HERC2: variants seen among roughly 807,000 people sequenced by gnomAD.
HERC2 encodes the protein E3 ubiquitin-protein ligase HERC2.
A neutral mutation model predicts 537.7 loss-of-function variants in HERC2; 102 were observed. The observed-to-expected ratio is 0.19, with a 90% CI of 0.16 to 0.22. The LOEUF is 0.22. HERC2 is among the 10% of genes least tolerant of loss of function. HERC2 has a pLI of 1.00. For missense variants in HERC2, 4,236 were observed against 6,198.2 expected (o/e 0.68, Z 10.63); for synonymous variants, 2,224 against 2,466.2 (o/e 0.90, Z 2.91).
rs531069148 is a variant in HERC2, at chr15:28,214,017, C to T, written c.6556-45G>A. On this transcript the variant is annotated intron_variant, in intron 41 of 92. Coordinates refer to ENST00000261609, the MANE Select transcript of HERC2 (RefSeq NM_004667.6). ...GAGCTCGACAGAGACACTCACGGAG[C>T]TGCCCAATCCCTACAGGTTCACCGT... 7.5e-6 allele frequency: 12 copies of T among 1,609,482 alleles called. No individual in the cohort carries two copies. In the South Asian group the frequency reaches 1.2e-4, roughly 16 times the overall value.
intron 52 of HERC2, among the ~76,000 whole-genome samples, chr15:28,194,838 C>G (rs1952572963): frequency 6.6e-6 from 1 of 151,928 alleles, no homozygotes; most frequent in Admixed American, 6.6e-5. Flanking sequence ...GGTGGATCAC[C>G]TGAGGTCAGG....
rs1596140816 is a variant in HERC2, at chr15:28,179,241, T to TA, written c.8938-19dup. On this transcript the variant is annotated intron_variant, in intron 57 of 92. Coordinates refer to ENST00000261609, the MANE Select transcript of HERC2 (RefSeq NM_004667.6). The stretch of plus-strand genomic sequence containing the variant: ...ACCTTTATCTACAACAGAATTTTTT[T>TA]AACAAAAAAAAAAGAAAAGAAAATT... 1 of 1,550,270 alleles carries TA rather than the reference T, an allele frequency of 6.5e-7. No homozygotes were observed. The highest frequency in any genetic ancestry group is 8.7e-7 in the Non-Finnish European group (1 of 1,147,464).
rs1900178129 is a variant in HERC2, at chr15:28,218,574, A to G, written c.5943T>C (p.His1981=). 1 of 1,597,988 alleles carries G rather than the reference A, an allele frequency of 6.3e-7. No homozygotes were observed. Among genetic ancestry groups the G allele is most frequent in the African/African-American group, 1.3e-5 (1 of 74,826 alleles). Residue 1981 remains histidine, a synonymous_variant, in exon 38 of 93, where the codon CAT becomes CAC. Coordinates refer to ENST00000261609, the MANE Select transcript of HERC2 (RefSeq NM_004667.6). The part of the protein sequence containing the change: ...LQTLCLSAGV[H]AEIMQSEATK... Reference sequence around the variant, plus strand: ...TGGCTTCGCTCTGCATGATCTCAGCATGAACTCCAGCAGACAGACAAAGAG... The same window carrying G: ...TGGCTTCGCTCTGCATGATCTCAGCGTGAACTCCAGCAGACAGACAAAGAG...
At position 28,240,759 on chromosome 15, in the gene HERC2, G is replaced by A. The variant is rs116331597; in HGVS notation, c.3578-1987C>T. Among the ~76,000 whole-genome samples, 543 of 152,282 alleles carry A rather than the reference G, an allele frequency of 3.6e-3. 6 individuals carry two copies. The highest frequency in any genetic ancestry group is 0.012 in the African/African-American group (517 of 41,568). On this transcript the variant is annotated intron_variant, in intron 23 of 92. Transcript: ENST00000261609. ...CAATCCATCACGTATTTGGTCATACGATTTTTGACATGGGAGCCAAGACCA... is the reference window on the plus strand; with the variant it reads ...CAATCCATCACGTATTTGGTCATACAATTTTTGACATGGGAGCCAAGACCA...
intron 10 of HERC2, 73 bp from the exon 11 acceptor site, chr15:28,269,509 T>C: frequency 8.5e-7 from 1 of 1,174,932 alleles, no homozygotes. Context: ...AACACTGAGC[T>C]ACTACAAAAT....
chr15:28,239,116 T>A lies in HERC2; in HGVS notation c.3578-344A>T, dbSNP rs193112759. Among the ~76,000 whole-genome samples the A allele has an allele frequency of 2.6e-5, 4 of 152,258 alleles. No homozygotes were observed. The East Asian group carries it at 7.7e-4, about 29-fold the overall frequency. ...AAATTCATTCAAAATAAATAAAAAATTCATCCACATATTTGAAAATTATAA... is the reference window on the plus strand; with the variant it reads ...AAATTCATTCAAAATAAATAAAAAAATCATCCACATATTTGAAAATTATAA... On this transcript the variant is annotated intron_variant, in intron 23 of 92. Coordinates refer to ENST00000261609, the MANE Select transcript of HERC2 (RefSeq NM_004667.6).
intron 69 of HERC2, among the ~76,000 whole-genome samples, chr15:28,160,473 G>A (rs1372241947): frequency 1.3e-5 from 2 of 152,182 alleles, no homozygotes; most frequent in Non-Finnish European, 1.5e-5. Context: ...CTTGTAGTTC[G>A]ATCTCAGGCT....
At position 28,272,311 on chromosome 15, in the gene HERC2, G is replaced by A. The variant is rs773073050; in HGVS notation, c.987C>T (p.Ser329=). ...AAAGTGGGGCGCTGGTGCCCTGGGCGGAACGCTCATTGTCAGTCTCCTGTG... is the reference window on the plus strand; with the variant it reads ...AAAGTGGGGCGCTGGTGCCCTGGGCAGAACGCTCATTGTCAGTCTCCTGTG... ...SGAQETDNER[S]AQGTSAPLLP... The change falls in exon 9 of 93, where the codon TCC becomes TCT. Residue 329 remains serine (S), a synonymous_variant. Transcript: ENST00000261609. The A allele has an allele frequency of 2.9e-5, 47 of 1,611,584 alleles. No homozygotes were observed. Among genetic ancestry groups the A allele is most frequent in the African/African-American group, 4.0e-5 (3 of 74,886 alleles).
chr15:28,119,658 T>C (rs139574599), intron 86 of HERC2, among the ~76,000 whole-genome samples: 209 of 152,058 alleles, frequency 1.4e-3, no homozygotes, highest in Non-Finnish European at 2.2e-3. Flanking sequence ...TTTATCACGT[T>C]GCCCAGGATG....
At chr15:28,322,024 C>T (rs1324833660) in intron 1 of HERC2, 51 bp downstream of exon 1, 1 of 89,540 alleles carries the variant, frequency 1.1e-5, no homozygotes, top group Non-Finnish European at 2.0e-5. Context: ...CCGCCAGCCC[C>T]GCGCCCGTAC....
chr15:28,263,491 G>C (rs2075468488), intron 14 of HERC2, among the ~76,000 whole-genome samples: 1 of 152,090 alleles, frequency 6.6e-6, no homozygotes, highest in African/African-American at 2.4e-5. Flanking sequence ...ACAGTAACTG[G>C]GGCCTGGCAC....
In HERC2 at chr15:28,169,468, T is replaced by C; in HGVS notation, c.10229+16A>G. On this transcript the variant is annotated intron_variant, in intron 66 of 92. Coordinates refer to ENST00000261609, the MANE Select transcript of HERC2 (RefSeq NM_004667.6). ...CACATAATTGCAGAATTTCAAAAAT[T>C]AGCACAGAAGCCTACCTGGCATACA... 6.5e-7 allele frequency: 1 copy of C among 1,536,888 alleles called. No homozygotes were observed. The highest frequency in any genetic ancestry group is 2.3e-4 in the Middle Eastern group (1 of 4,366).
intron 35 of HERC2, among the ~76,000 whole-genome samples, chr15:28,223,311 T>G (rs1005974445): frequency 6.6e-6 from 1 of 152,156 alleles, no homozygotes; most frequent in Non-Finnish European, 1.5e-5. Context: ...ACTCCCTTGA[T>G]TTTAGTTTTC....
At chr15:28,290,618 A>G (rs185881412) in intron 4 of HERC2, among the ~76,000 whole-genome samples, 1 of 152,360 alleles carries the variant, frequency 6.6e-6, no homozygotes, top group Admixed American at 6.5e-5. Context: ...ATCACAGAAT[A>G]TGTTCTCTGA....
At chr15:28,123,303 G>A (rs946958906) in intron 85 of HERC2, among the ~76,000 whole-genome samples, 10 of 152,208 alleles carry the variant, frequency 6.6e-5, no homozygotes, top group Middle Eastern at 3.4e-3. Flanking sequence ...CATAATATTC[G>A]ACAACAAAAT....
intron 2 of HERC2, among the ~76,000 whole-genome samples, chr15:28,317,755 G>C (rs1444314243): frequency 6.6e-6 from 1 of 152,178 alleles, no homozygotes; most frequent in African/African-American, 2.4e-5. Flanking sequence ...GAATGGCACA[G>C]AACTACGCAC....
At chr15:28,160,772 T>C (rs1218520296) in intron 69 of HERC2, among the ~76,000 whole-genome samples, 6 of 152,216 alleles carry the variant, frequency 3.9e-5, no homozygotes, top group Non-Finnish European at 7.3e-5. Flanking sequence ...CCCAGTGAGA[T>C]GAACCTGGTA....
intron 37 of HERC2, among the ~76,000 whole-genome samples, chr15:28,219,448 G>A (rs939812737): frequency 2.0e-5 from 3 of 152,232 alleles, no homozygotes; most frequent in African/African-American, 7.2e-5. Context: ...GCATGCTATA[G>A]GCTGGATGCT....
Position 28,113,219 on chromosome 15 carries a change from T to A in HERC2, c.14084A>T (p.Glu4695Val). ...CCACTGGATCAGCGATGCGGAAGGC[T>A]CGATGCCTTTATAGGTGGCCACCGA... ...LKSVATYKGIEPSASLIQWFW... is the reference protein window; with the variant it reads ...LKSVATYKGIVPSASLIQWFW... Residue 4695 changes from glutamate (E) to valine (V), a missense_variant, in exon 92 of 93, where the codon GAG (glutamate) becomes GTG (valine). This residue lies in a region of HERC2 where 313 missense variants were observed against 462.6 expected (regional missense o/e 0.68). Coordinates refer to ENST00000261609, the MANE Select transcript of HERC2 (RefSeq NM_004667.6). This position sits in a 1 kb window ranked among gnomAD's most constrained non-coding sequence, Gnocchi z 7.0. The A allele has an allele frequency of 1.2e-6, 2 of 1,614,086 alleles. No homozygotes were observed. Among genetic ancestry groups the A allele is most frequent in the South Asian group, 2.2e-5 (2 of 91,088 alleles).
Sources: gnomAD v4.1 joint callset for allele counts (sites outside exome capture counted in the v4.1 genomes callset) on GRCh38, gnomAD v4.1.1 for gene constraint, gnomAD v4.1.1 regional missense constraint, Gnocchi (gnomAD v3.1) non-coding constraint, MANE v1.5 for transcripts, NCBI Gene and HGNC (gene_info 2026-07-23, HGNC 2026-07-21) for gene names.